ZNF804A: variants seen among roughly 807,000 people sequenced by gnomAD.
The protein encoded by ZNF804A is zinc finger protein 804A.
In ZNF804A, 2 loss-of-function variants were observed where a neutral mutation model predicts 16.5. The observed-to-expected ratio is 0.12, with a 90% confidence interval of 0.05 to 0.38. The LOEUF is 0.38. Ranked by LOEUF, ZNF804A falls within the 10% of genes least tolerant of loss-of-function variation. The probability of loss-of-function intolerance (pLI) is 0.99; values close to 1 mark genes in which losing one functional copy is unlikely to be tolerated. For synonymous variants in ZNF804A, 534 were observed against 489.6 expected, an observed-to-expected ratio of 1.09 and a Z score of -1.20; for missense variants, 1,473 against 1,390.7, an observed-to-expected ratio of 1.06 and a Z score of -0.94.
chr2:184,924,032 T>C (rs1685572350), intron 2 of ZNF804A, among the ~76,000 whole-genome samples: 1 of 151,836 alleles, frequency 6.6e-6, no homozygotes, highest in Non-Finnish European at 1.5e-5. Flanking sequence ...TGTGTGTGTG[T>C]GTATGTTTTC....
intron 1 of ZNF804A, among the ~76,000 whole-genome samples, chr2:184,640,028 A>T (rs1691768703): frequency 6.6e-6 from 1 of 151,884 alleles, no homozygotes; most frequent in South Asian, 2.1e-4. Context: ...TTAATAAATA[A>T]ATAAAATAAA....
At chr2:184,725,551 C>T (rs1693396728) in intron 1 of ZNF804A, among the ~76,000 whole-genome samples, 1 of 151,614 alleles carries the variant, frequency 6.6e-6, no homozygotes, top group Non-Finnish European at 1.5e-5. Context: ...CAGAAAGTTG[C>T]AAAAATAGTA....
In ZNF804A at chr2:184,717,486, T is replaced by C. The variant is rs553674829; in HGVS notation, c.111+118416T>C. Among the ~76,000 whole-genome samples, 58 of 152,260 alleles carry C rather than the reference T, an allele frequency of 3.8e-4. 1 individual carries two copies. In the South Asian group the frequency reaches 9.7e-3, roughly 26 times the overall value. On this transcript the variant is annotated intron_variant, in intron 1 of 3. Coordinates refer to ENST00000302277, the MANE Select transcript of ZNF804A (RefSeq NM_194250.2). ...TCACAGTAAATGTCCAGGTTTCAAA[T>C]TGGCAAAACTAGAATTCTTTGTGTT...
At chr2:184,651,650 T>G (rs1472241958) in intron 1 of ZNF804A, among the ~76,000 whole-genome samples, 2 of 151,912 alleles carry the variant, frequency 1.3e-5, no homozygotes, top group South Asian at 4.2e-4. Flanking sequence ...CAGACACTAC[T>G]CAAAAGAAGA....
chr2:184,599,101 C>CTA (rs2105662500), intron 1 of ZNF804A, 31 bp downstream of exon 1: 1 of 1,501,644 alleles, frequency 6.7e-7, no homozygotes, highest in Non-Finnish European at 9.3e-7. Context: ...CTCTCTCTCT[C>CTA]TCATATTTAA....
At chr2:184,863,002 A>C (rs1695822328) in intron 1 of ZNF804A, among the ~76,000 whole-genome samples, 1 of 152,124 alleles carries the variant, frequency 6.6e-6, no homozygotes, top group African/African-American at 2.4e-5. Flanking sequence ...ATATTTACAG[A>C]TAAAGTGATA....
chr2:184,646,747 C>T (rs1691881815), intron 1 of ZNF804A, among the ~76,000 whole-genome samples: 1 of 152,234 alleles, frequency 6.6e-6, no homozygotes, highest in Non-Finnish European at 1.5e-5. Flanking sequence ...ATGCAGTTAA[C>T]TTGAGGCCAT....
rs542853094 is a variant in ZNF804A at position 184,748,604 on chromosome 2, T to C, written c.112-117765T>C. 7.3e-5 allele frequency among the ~76,000 whole-genome samples: 11 copies of C among 151,614 alleles called. No homozygotes were observed. In the South Asian group the frequency reaches 2.1e-3, roughly 29 times the overall value. ...TCTCTTTATTCCACTGATAGTTTTTTAGGCTATGCAGAAGTTCTTATTTTA... is the reference window on the plus strand; with the variant it reads ...TCTCTTTATTCCACTGATAGTTTTTCAGGCTATGCAGAAGTTCTTATTTTA... On this transcript the variant is annotated intron_variant, in intron 1 of 3. Transcript: ENST00000302277.
At chr2:184,878,391 CAATGGGCTATACTAGCTTCCGACTTCAAT>C (rs895106941) in intron 2 of ZNF804A, among the ~76,000 whole-genome samples, 4 of 151,980 alleles carry the variant, frequency 2.6e-5, no homozygotes, top group Non-Finnish European at 5.9e-5. Flanking sequence ...TAAAAATATA[CAATGGGCTATACTAGCTTCCGACTTCAAT>C]AATGGAGGCA....
chr2:184,895,439 A>G (rs960378817), intron 2 of ZNF804A, among the ~76,000 whole-genome samples: 4 of 152,204 alleles, frequency 2.6e-5, no homozygotes, highest in African/African-American at 9.6e-5. Flanking sequence ...GCAGATGTTC[A>G]AATGAATACT....
At chr2:184,723,346 G>A (rs1415205561) in intron 1 of ZNF804A, among the ~76,000 whole-genome samples, 2 of 151,640 alleles carry the variant, frequency 1.3e-5, no homozygotes, top group Non-Finnish European at 3.0e-5. Flanking sequence ...TTCTCCAGTT[G>A]GAAGAAATGG....
chr2:184,796,123 A>G (rs1162694699), intron 1 of ZNF804A, among the ~76,000 whole-genome samples: 73 of 152,148 alleles, frequency 4.8e-4, no homozygotes. Context: ...ATTAGCTAGT[A>G]TTGTGTTAAG....
intron 1 of ZNF804A, among the ~76,000 whole-genome samples, chr2:184,688,070 A>G (rs912008021): frequency 2.0e-5 from 3 of 152,132 alleles, no homozygotes; most frequent in Non-Finnish European, 2.9e-5. Context: ...AGTGAGCCGA[A>G]ATCGTACCAC....
At chr2:184,893,960 C>T (rs1292671088) in intron 2 of ZNF804A, among the ~76,000 whole-genome samples, 1 of 152,086 alleles carries the variant, frequency 6.6e-6, no homozygotes. Context: ...ATTCAGAATG[C>T]CTAGCAAGTG....
chr2:184,775,727 C>T (rs921184879), intron 1 of ZNF804A, among the ~76,000 whole-genome samples: 10 of 151,526 alleles, frequency 6.6e-5, no homozygotes, highest in African/African-American at 1.5e-4. Flanking sequence ...TCTGTAATGC[C>T]ATGGCAAAGG....
intron 1 of ZNF804A, among the ~76,000 whole-genome samples, chr2:184,756,096 T>C (rs1161494961): frequency 1.4e-5 from 2 of 148,142 alleles, no homozygotes; most frequent in Non-Finnish European, 1.5e-5. Flanking sequence ...TGTGCTTTTG[T>C]TTATAGAGTT....
chr2:184,919,066 A>G (rs967934701), intron 2 of ZNF804A, among the ~76,000 whole-genome samples: 1 of 152,204 alleles, frequency 6.6e-6, no homozygotes. Context: ...GCCCATTGCT[A>G]TTCTTCATTT....
At chr2:184,725,791 C>T (rs1693399890) in intron 1 of ZNF804A, among the ~76,000 whole-genome samples, 2 of 151,364 alleles carry the variant, frequency 1.3e-5, no homozygotes, top group Non-Finnish European at 3.0e-5. Context: ...TTTATAGTCA[C>T]ACCCTCCTCT....
At chr2:184,918,659 A>G (rs113833085) in intron 2 of ZNF804A, among the ~76,000 whole-genome samples, 1 of 152,164 alleles carries the variant, frequency 6.6e-6, no homozygotes, top group Admixed American at 6.6e-5. Flanking sequence ...TTAAAAATCC[A>G]TATATATGCT....
Sources: gnomAD v4.1 joint callset for allele counts (sites outside exome capture counted in the v4.1 genomes callset) on GRCh38, gnomAD v4.1.1 for gene constraint, MANE v1.5 for transcripts, NCBI Gene and HGNC (gene_info 2026-07-23, HGNC 2026-07-21) for gene names.